SLIT2: variants seen among roughly 807,000 people sequenced by gnomAD.
SLIT2 encodes slit guidance ligand 2, also known as slit homolog 2 protein.
SLIT2 carries 41 observed loss-of-function variants against 185.7 expected under a neutral mutation model. That is an observed-to-expected ratio of 0.22 (90% confidence interval 0.17 to 0.29). SLIT2 has a LOEUF of 0.29. Ranked by LOEUF, SLIT2 falls within the 10% of genes least tolerant of loss-of-function variation. SLIT2 has a pLI of 1.00. For missense variants in SLIT2, 1,571 were observed against 1,909.0 expected, an observed-to-expected ratio of 0.82 and a Z score of 3.30; for synonymous variants, 693 against 680.2, an observed-to-expected ratio of 1.02 and a Z score of -0.29.
chr4:20,390,565 A>G (rs181282728), intron 4 of SLIT2, among the ~76,000 whole-genome samples: 10 of 152,178 alleles, frequency 6.6e-5, no homozygotes, highest in African/African-American at 1.9e-4. Flanking sequence ...CAAAGTTCCT[A>G]TGGCACTGTC....
chr4:20,474,092 A>G (rs967112100), intron 5 of SLIT2, among the ~76,000 whole-genome samples: 1 of 152,012 alleles, frequency 6.6e-6, no homozygotes, highest in Admixed American at 6.6e-5. Flanking sequence ...TTACTCTTAA[A>G]TTCCAGAGGT....
At chr4:20,591,817 T>C (rs559866884) in intron 30 of SLIT2, among the ~76,000 whole-genome samples, 2 of 152,190 alleles carry the variant, frequency 1.3e-5, no homozygotes, top group South Asian at 4.2e-4. Flanking sequence ...ATTGTAAGTA[T>C]AAGATAAAGT....
At chr4:20,560,481 G>A (rs1724607263) in intron 26 of SLIT2, among the ~76,000 whole-genome samples, 1 of 151,792 alleles carries the variant, frequency 6.6e-6, no homozygotes, top group South Asian at 2.1e-4. Context: ...GAAGCAGATG[G>A]CCATGACTTG....
intron 29 of SLIT2, among the ~76,000 whole-genome samples, chr4:20,572,872 G>A (rs984320223): frequency 3.9e-5 from 6 of 152,072 alleles, no homozygotes; most frequent in Non-Finnish European, 7.4e-5. Flanking sequence ...AACACATTTT[G>A]TGGAAAATAT....
intron 4 of SLIT2, among the ~76,000 whole-genome samples, chr4:20,439,988 G>C (rs1729628608): frequency 6.6e-6 from 1 of 152,080 alleles, no homozygotes; most frequent in African/African-American, 2.4e-5. Context: ...CCATCTATTA[G>C]GTTTATTTTG....
At chr4:20,368,112 T>C (rs1252496554) in intron 4 of SLIT2, among the ~76,000 whole-genome samples, 3 of 151,854 alleles carry the variant, frequency 2.0e-5, no homozygotes, top group Non-Finnish European at 4.4e-5. Context: ...AACATGATTC[T>C]TGAAGCTGAG....
At chr4:20,600,318 C>A (rs2148964714) in intron 33 of SLIT2, among the ~76,000 whole-genome samples, 1 of 151,468 alleles carries the variant, frequency 6.6e-6, no homozygotes, top group East Asian at 1.9e-4. Context: ...AAGGACCTAC[C>A]ATAACGAGTT....
intron 5 of SLIT2, among the ~76,000 whole-genome samples, chr4:20,471,406 A>T (rs201336944): frequency 6.6e-6 from 1 of 152,164 alleles, no homozygotes; most frequent in Admixed American, 6.5e-5. Context: ...TAATATTAGC[A>T]TTATTAATAT....
intron 4 of SLIT2, among the ~76,000 whole-genome samples, chr4:20,387,981 A>T (rs1725063322): frequency 6.6e-6 from 1 of 150,378 alleles, no homozygotes; most frequent in Non-Finnish European, 1.5e-5. Context: ...AAAAAACAAA[A>T]AAACACGTTT....
At chr4:20,372,281 G>T (rs1293464811) in intron 4 of SLIT2, among the ~76,000 whole-genome samples, 1 of 151,928 alleles carries the variant, frequency 6.6e-6, no homozygotes, top group Non-Finnish European at 1.5e-5. Flanking sequence ...GTGCAGAAAG[G>T]GCAGAACATG....
chr4:20,472,359 T>TAGAG (rs1560453422), intron 5 of SLIT2, among the ~76,000 whole-genome samples: 3 of 21,490 alleles, frequency 1.4e-4, no homozygotes, highest in East Asian at 2.6e-3. Flanking sequence ...TATAGATATC[T>TAGAG]ATATAGATAT....
Position 20,480,756 on chromosome 4 carries a change from G to T in SLIT2, c.508G>T (p.Ala170Ser). Residue 170 changes from alanine (A) to serine (S), a missense_variant, in exon 6 of 37, where the codon GCA becomes TCA. Ala to Ser is a moderately conservative substitution (Grantham distance 99). Around this residue, in one of 3 missense-constraint regions of SLIT2, gnomAD observed 1,202 missense variants for 1,416.4 expected, o/e 0.85. Coordinates refer to ENST00000504154, the MANE Select transcript of SLIT2 (RefSeq NM_004787.4). ...CCAGATCAGCTGTATTGAAGATGGG[G>T]CATTCAGGGCTCTCCGGGACCTGGA... ...YNQISCIEDG[A>S]FRALRDLEVL... 9.3e-6 allele frequency: 15 copies of T among 1,613,406 alleles called. No individual in the cohort carries two copies. Among genetic ancestry groups the T allele is most frequent in the Non-Finnish European group, 1.1e-5 (13 of 1,179,426 alleles).
intron 4 of SLIT2, among the ~76,000 whole-genome samples, chr4:20,322,355 C>T (rs1719169622): frequency 6.6e-6 from 1 of 152,034 alleles, no homozygotes; most frequent in East Asian, 1.9e-4. Flanking sequence ...TGATTCGGTC[C>T]AGAAACGCAG....
intron 1 of SLIT2, among the ~76,000 whole-genome samples, chr4:20,256,457 T>C (rs1711850993): frequency 6.6e-6 from 1 of 152,178 alleles, no homozygotes; most frequent in Admixed American, 6.5e-5. Flanking sequence ...AACCACTTCA[T>C]TTTCTTGTCA....
At chr4:20,565,988 T>TTTATTCA (rs1725060065) in intron 26 of SLIT2, among the ~76,000 whole-genome samples, 2 of 152,046 alleles carry the variant, frequency 1.3e-5, no homozygotes, top group Admixed American at 6.6e-5. Flanking sequence ...GGCCACCATA[T>TTTATTCA]TTATTCATGT....
At chr4:20,421,622 C>T (rs563631652) in intron 4 of SLIT2, among the ~76,000 whole-genome samples, 29 of 152,032 alleles carry the variant, frequency 1.9e-4, no homozygotes, top group South Asian at 1.5e-3. Flanking sequence ...TTGGAAGTAT[C>T]GATATTCCCT....
At chr4:20,379,579 G>A (rs925281208) in intron 4 of SLIT2, among the ~76,000 whole-genome samples, 7 of 152,130 alleles carry the variant, frequency 4.6e-5, no homozygotes, top group African/African-American at 1.4e-4. Flanking sequence ...CACTGTGAAT[G>A]TGTGTTCTTT....
intron 4 of SLIT2, among the ~76,000 whole-genome samples, chr4:20,399,166 A>G (rs1726161818): frequency 6.6e-6 from 1 of 151,736 alleles, no homozygotes. Context: ...CAAATGTTGC[A>G]CTAATGGGGT....
chr4:20,326,055 C>T (rs1423473796), intron 4 of SLIT2, among the ~76,000 whole-genome samples: 1 of 151,980 alleles, frequency 6.6e-6, no homozygotes, highest in Non-Finnish European at 1.5e-5. Flanking sequence ...TTTTAATGCT[C>T]TTTTATGATT....
Sources: gnomAD v4.1 joint callset for allele counts (sites outside exome capture counted in the v4.1 genomes callset) on GRCh38, gnomAD v4.1.1 for gene constraint, gnomAD v4.1.1 regional missense constraint, MANE v1.5 for transcripts, NCBI Gene and HGNC (gene_info 2026-07-23, HGNC 2026-07-21) for gene names.